MSN: variants seen among roughly 807,000 people sequenced by gnomAD.
MSN encodes epididymis luminal protein 70.
Under a neutral mutation model 48.0 loss-of-function variants are expected in MSN, and 2 were observed. That is an observed-to-expected ratio of 0.04 (90% CI 0.02 to 0.13). The LOEUF is 0.13. MSN is among the 10% of genes least tolerant of loss of function. The pLI is 1.00. For missense variants in MSN, 267 were observed against 470.1 expected (o/e 0.57, Z 3.99); for synonymous variants, 146 against 166.9 (o/e 0.87, Z 0.97).
chrX:65,680,343 TCTC>T (rs2071042181), intron 1 of MSN, among the ~76,000 whole-genome samples: 1 of 111,659 alleles, frequency 9.0e-6, no homozygotes, highest in Non-Finnish European at 1.9e-5. Context: ...ATAAAAAAGT[TCTC>T]CTTCTTTCCC....
At chrX:65,614,708 T>G (rs2070352193) in intron 1 of MSN, among the ~76,000 whole-genome samples, 1 of 107,476 alleles carries the variant, frequency 9.3e-6, no homozygotes, top group Non-Finnish European at 1.9e-5. Flanking sequence ...TTTTTCTTTT[T>G]TTTTTTTAAT....
chrX:65,606,633 C>A (rs956657160), intron 1 of MSN, among the ~76,000 whole-genome samples: 1 of 111,859 alleles, frequency 8.9e-6, no homozygotes, highest in Admixed American at 9.5e-5. Flanking sequence ...GTTGGCCAGG[C>A]TAGTTTCAAA....
intron 3 of MSN, 101 bp from the exon 4 acceptor site, chrX:65,729,337 A>T: frequency 2.1e-6 from 2 of 965,149 alleles, no homozygotes; most frequent in Non-Finnish European, 2.8e-6. Context: ...GTCTAAGATT[A>T]TGCAAATTGA....
chrX:65,708,792 C>T (rs1386712661), intron 1 of MSN, among the ~76,000 whole-genome samples: 1 of 111,253 alleles, frequency 9.0e-6, no homozygotes, highest in Non-Finnish European at 1.9e-5. Context: ...AAGAGATTCT[C>T]CTGCCTCAGC....
chrX:65,716,601 G>C (rs773568865), intron 1 of MSN: 2 of 444,609 alleles, frequency 4.5e-6, no homozygotes, highest in East Asian at 8.3e-5. Context: ...TCTTTGGTAA[G>C]TATTGCTCTG....
At chrX:65,683,399 A>G (rs866714520) in intron 1 of MSN, among the ~76,000 whole-genome samples, 9,225 of 86,104 alleles carry the variant, frequency 0.11, 1,716 homozygotes, top group African/African-American at 0.39. Flanking sequence ...CGCCGCCACC[A>G]CCACCACCAC....
At chrX:65,654,640 T>C (rs1364961395) in intron 1 of MSN, among the ~76,000 whole-genome samples, 5 of 111,419 alleles carry the variant, frequency 4.5e-5, no homozygotes, top group Non-Finnish European at 5.6e-5. Flanking sequence ...CTCTCTCTCT[T>C]TCCCTCATAC....
intron 1 of MSN, among the ~76,000 whole-genome samples, chrX:65,670,908 A>ATATATATATATATATATT (rs2070929698): frequency 1.1e-4 from 2 of 18,288 alleles, no homozygotes; most frequent in African/African-American, 7.3e-4. Flanking sequence ...ATATATATAT[A>ATATATATATATATATATT]TATATATATA....
intron 1 of MSN, among the ~76,000 whole-genome samples, chrX:65,691,191 G>A (rs1292564646): frequency 8.9e-6 from 1 of 112,102 alleles, no homozygotes; most frequent in Non-Finnish European, 1.9e-5. Flanking sequence ...CCTTGAAGTA[G>A]TACTTGGCAT....
In MSN at chrX:65,617,162, A is replaced by T. The variant is rs2070381702; in HGVS notation, c.-22+28550A>T. On this transcript the variant is annotated intron_variant, in intron 1 of 3. Transcript: ENST00000609672. ...ATGTTCATCAAGGATATTGGTCTAA[A>T]ATTCTCTTTTTTTGTTGTGTCTGTG... Among the ~76,000 whole-genome samples, 9 of 105,482 alleles carry T rather than the reference A, an allele frequency of 8.5e-5. 1 individual carries two copies. The South Asian group carries it at 3.4e-3, about 40-fold the overall frequency. 91.6% of individuals were successfully genotyped at this position (105,482 alleles called of 115,157 possible).
rs57690327 is a variant in MSN at position 65,695,266 on chromosome X, T to C, written c.13-21552T>C. Reference sequence around the variant, plus strand: ...CTGTAATCCCAGCACTTTGGGAGGCTGAGGTGGGTGGATAACCTGAGGTCA... The same window carrying C: ...CTGTAATCCCAGCACTTTGGGAGGCCGAGGTGGGTGGATAACCTGAGGTCA... On this transcript the variant is annotated intron_variant, in intron 1 of 12. Transcript: ENST00000360270. Among the ~76,000 whole-genome samples the C allele has an allele frequency of 4.6e-3, 510 of 110,571 alleles. 4 individuals are homozygous for C. The highest frequency in any genetic ancestry group is 0.016 in the African/African-American group (489 of 30,369).
intron 1 of MSN, among the ~76,000 whole-genome samples, chrX:65,702,111 C>T (rs1318402433): frequency 9.4e-6 from 1 of 106,659 alleles, no homozygotes; most frequent in African/African-American, 3.4e-5. Context: ...CTCCCGGGTT[C>T]AAGCGATTCT....
At chrX:65,625,734 T>G (rs777378085) in intron 1 of MSN, 1 of 111,748 alleles carries the variant, frequency 8.9e-6, no homozygotes, top group East Asian at 2.8e-4. Context: ...TTTCTGCCTT[T>G]TGATTGGATG....
rs1347297267 is a variant in MSN at position 65,623,598 on chromosome X, G to C, written c.-22+34986G>C. ...GGCCAAGGTGGGCGGATCACCCGAGGTCAGGAGTTCAAGACCAGCCTGGCC... is the reference window on the plus strand; with the variant it reads ...GGCCAAGGTGGGCGGATCACCCGAGCTCAGGAGTTCAAGACCAGCCTGGCC... On this transcript the variant is annotated intron_variant, in intron 1 of 3. Transcript: ENST00000609672. Among the ~76,000 whole-genome samples the C allele has an allele frequency of 2.7e-5, 3 of 109,675 alleles. No homozygotes were observed. The East Asian group carries it at 8.4e-4, about 31-fold the overall frequency.
chrX:65,716,361 T>C (rs1007128708), intron 1 of MSN, among the ~76,000 whole-genome samples: 1 of 110,230 alleles, frequency 9.1e-6, no homozygotes, highest in Non-Finnish European at 1.9e-5. Context: ...CTGCAACCTC[T>C]ACCTTCTGGG....
chrX:65,720,890 C>G (rs1283340912), intron 2 of MSN, among the ~76,000 whole-genome samples: 1 of 112,015 alleles, frequency 8.9e-6, no homozygotes, highest in Non-Finnish European at 1.9e-5. Flanking sequence ...TCATTTACCT[C>G]TCTTCTTGTG....
At chrX:65,661,476 C>T (rs1246044697) in intron 1 of MSN, among the ~76,000 whole-genome samples, 1 of 112,090 alleles carries the variant, frequency 8.9e-6, no homozygotes, top group Non-Finnish European at 1.9e-5. Context: ...TTGATCATGG[C>T]ATGTTAACTT....
intron 1 of MSN, among the ~76,000 whole-genome samples, chrX:65,656,589 G>C (rs2070782930): frequency 9.0e-6 from 1 of 111,234 alleles, no homozygotes; most frequent in Non-Finnish European, 1.9e-5. Context: ...CTTTATGGGA[G>C]CAACTACAGC....
At chrX:65,694,713 C>A (rs1238275616) in intron 1 of MSN, among the ~76,000 whole-genome samples, 1 of 112,108 alleles carries the variant, frequency 8.9e-6, no homozygotes, top group Non-Finnish European at 1.9e-5. Context: ...TGGTGAAACC[C>A]ATCGTGCCTT....
Sources: gnomAD v4.1 joint callset for allele counts (sites outside exome capture counted in the v4.1 genomes callset) on GRCh38, gnomAD v4.1.1 for gene constraint, MANE v1.5 for transcripts, NCBI Gene and HGNC (gene_info 2026-07-23, HGNC 2026-07-21) for gene names.